Variants in DAP3 observed in about 807,000 individuals in gnomAD.
DAP3 encodes small ribosomal subunit protein mS29.
A neutral mutation model predicts 51.9 loss-of-function variants in DAP3; 28 were observed. That is an observed-to-expected ratio of 0.54 (90% CI 0.40 to 0.74). The LOEUF (loss-of-function observed/expected upper bound fraction) is 0.74, where lower values mean the gene tolerates loss of function less well. Ranked by LOEUF, DAP3 falls within the 30% of genes least tolerant of loss-of-function variation. DAP3 has a pLI of 0.00. For missense variants in DAP3, 458 were observed against 483.5 expected (o/e 0.95, Z 0.49); for synonymous variants, 170 against 170.3 (o/e 1.00, Z 0.01).
Position 155,727,483 on chromosome 1 carries a change from A to AG in DAP3, c.473-125_473-124insG, listed in dbSNP as rs1416662004. 116 of 1,085,866 alleles carry AG rather than the reference A, an allele frequency of 1.1e-4. No individual in the cohort carries two copies. The African/African-American group carries it at 1.7e-3, about 16-fold the overall frequency. 67.3% of individuals were successfully genotyped at this position (1,085,866 alleles called of 1,614,324 possible). On this transcript the variant is annotated intron_variant, in intron 6 of 12. Transcript: ENST00000368336. ...GACCCTGTCTCAAAAAAAAAAAAAA[A>AG]AAAGAAAAGAAATATATATATGAGA...
At chr1:155,737,133 A>T in intron 12 of DAP3, 70 bp downstream of exon 12, 2 of 1,105,504 alleles carry the variant, frequency 1.8e-6, no homozygotes, top group South Asian at 2.5e-5. Flanking sequence ...CAGAGCCTTG[A>T]TCTCTTCTTC....
Position 155,689,153 on chromosome 1 carries a change from G to T in DAP3, c.-29G>T. 1.3e-6 allele frequency: 1 copy of T among 796,872 alleles called. No homozygotes were observed. The highest frequency in any genetic ancestry group is 2.1e-6 in the Non-Finnish European group (1 of 475,816). 49.4% of individuals were successfully genotyped at this position (796,872 alleles called of 1,614,324 possible). A position where few individuals can be genotyped will look rare whatever the true frequency, so the allele number is the denominator to read the frequency against. On this transcript the variant is annotated 5_prime_UTR_variant, in exon 1 of 13. Transcript: ENST00000368336. ...CAGCGTGTGTCGGTCGCCTAGTCTG[G>T]AGAACTAGTCCTCGACTCACGGTGA... is the stretch of plus-strand genomic sequence containing the variant.
In DAP3 at chr1:155,731,964, G is replaced by A. The variant is rs1306300692; in HGVS notation, c.924G>A (p.Ser308=). 2.5e-5 allele frequency: 41 copies of A among 1,610,730 alleles called. No individual in the cohort carries two copies. The highest frequency in any genetic ancestry group is 4.5e-5 in the East Asian group (2 of 44,772). The change falls in exon 11 of 13, where the codon TCG becomes TCA. Residue 308 remains serine (S), a synonymous_variant. Coordinates refer to ENST00000368336, the MANE Select transcript of DAP3 (RefSeq NM_004632.4). ...TTCAGCATGGAGGCGCCATTGTGTC[G>A]GCTTTGAGCCAGACTGGGTCTCTCT... ...KNDWHGGAIV[S]ALSQTGSLFK...
At chr1:155,706,120 C>T (rs1437132968) in intron 1 of DAP3, among the ~76,000 whole-genome samples, 1 of 152,144 alleles carries the variant, frequency 6.6e-6, no homozygotes, top group Non-Finnish European at 1.5e-5. Context: ...TTGCCTCAGC[C>T]TCCTAAGTAG....
At chr1:155,696,509 C>T (rs1654529117) in intron 1 of DAP3, among the ~76,000 whole-genome samples, 1 of 152,152 alleles carries the variant, frequency 6.6e-6, no homozygotes, top group Non-Finnish European at 1.5e-5. Context: ...GGCTTAATGG[C>T]TCTATCTTGT....
intron 3 of DAP3, among the ~76,000 whole-genome samples, chr1:155,719,096 G>A (rs1657683934): frequency 6.6e-6 from 1 of 152,108 alleles, no homozygotes; most frequent in Non-Finnish European, 1.5e-5. Context: ...AGCATTCTTG[G>A]CTAAGATAAA....
chr1:155,693,807 C>G (rs1270325679), intron 1 of DAP3, among the ~76,000 whole-genome samples: 2 of 141,132 alleles, frequency 1.4e-5, no homozygotes, highest in East Asian at 3.9e-4. Flanking sequence ...ACTAAAAATA[C>G]AAAATTAGCA....
intron 1 of DAP3, among the ~76,000 whole-genome samples, chr1:155,691,478 T>C (rs1253226632): frequency 1.4e-5 from 2 of 142,286 alleles, no homozygotes; most frequent in African/African-American, 6.3e-5. Context: ...TACCACGTTA[T>C]GTTTATTCAT....
intron 1 of DAP3, among the ~76,000 whole-genome samples, chr1:155,690,798 A>G (rs547051278): frequency 1.4e-5 from 2 of 142,346 alleles, no homozygotes; most frequent in South Asian, 4.1e-4. Flanking sequence ...GGAAGGCAGT[A>G]GTGCAGTCCT....
chr1:155,728,368 C>T (rs1476746985), intron 7 of DAP3, among the ~76,000 whole-genome samples: 4 of 152,098 alleles, frequency 2.6e-5, no homozygotes, highest in African/African-American at 4.8e-5. Flanking sequence ...TCAAGATGAG[C>T]CTGGCCAACA....
chr1:155,706,169 A>G lies in DAP3; in HGVS notation c.-7-3604A>G, dbSNP rs574060503. Among the ~76,000 whole-genome samples the G allele has an allele frequency of 1.7e-4, 26 of 151,962 alleles. No homozygotes were observed. The South Asian group carries it at 2.3e-3, about 13-fold the overall frequency. ...CCTGCACCACCCTGGCAAACTAATT[A>G]ATTTTTTTCTTTTGTTTGTGGAATT... On this transcript the variant is annotated intron_variant, in intron 1 of 12. Transcript: ENST00000368336.
At chr1:155,701,154 G>A (rs1655227501) in intron 1 of DAP3, among the ~76,000 whole-genome samples, 3 of 116,440 alleles carry the variant, frequency 2.6e-5, no homozygotes, top group East Asian at 5.1e-4. Flanking sequence ...CCCTCTGCCC[G>A]GCCACCACCC....
At chr1:155,712,612 CAAAA>C (rs61338392) in intron 2 of DAP3, among the ~76,000 whole-genome samples, 1 of 55,520 alleles carries the variant, frequency 1.8e-5, no homozygotes, top group Non-Finnish European at 3.4e-5. Flanking sequence ...AACTCCGTCT[CAAAA>C]AAAAAAAAAA....
chr1:155,688,431 C>G (rs1652998979), upstream of DAP3: 1 of 1,546,898 alleles, frequency 6.5e-7, no homozygotes, highest in Non-Finnish European at 8.7e-7. Context: ...CGCGTTCTTC[C>G]CCACGGTCCC....
chr1:155,707,244 A>G (rs1311800160), intron 1 of DAP3, among the ~76,000 whole-genome samples: 3 of 139,340 alleles, frequency 2.2e-5, no homozygotes, highest in African/African-American at 8.0e-5. Context: ...AAACCCCGTC[A>G]TTACTAAAAA....
At chr1:155,711,377 C>T (rs544372512) in intron 2 of DAP3, among the ~76,000 whole-genome samples, 1 of 152,164 alleles carries the variant, frequency 6.6e-6, no homozygotes, top group South Asian at 2.1e-4. Context: ...CCTGTAATCC[C>T]AGCTACTTGG....
At chr1:155,733,103 TTA>T (rs1048734567) in intron 11 of DAP3, among the ~76,000 whole-genome samples, 3 of 152,226 alleles carry the variant, frequency 2.0e-5, no homozygotes, top group African/African-American at 7.2e-5. Flanking sequence ...TTTGAAATCT[TTA>T]TGTTTTTGGC....
intron 12 of DAP3, among the ~76,000 whole-genome samples, chr1:155,737,635 A>G (rs1659941403): frequency 6.6e-6 from 1 of 152,186 alleles, no homozygotes; most frequent in Non-Finnish European, 1.5e-5. Flanking sequence ...TAGAGTTAAT[A>G]GTAATCGGAG....
chr1:155,711,583 G>T (rs1039730017), intron 2 of DAP3, among the ~76,000 whole-genome samples: 7 of 144,516 alleles, frequency 4.8e-5, no homozygotes, highest in South Asian at 2.2e-4. Flanking sequence ...AGAAAGTTTT[G>T]TTTTTTTTTT....
Sources: allele counts gnomAD v4.1 joint callset (sites outside exome capture counted in the v4.1 genomes callset), GRCh38; gene constraint gnomAD v4.1.1; transcripts MANE v1.5; gene names NCBI Gene and HGNC (gene_info 2026-07-23, HGNC 2026-07-21).